ANKS1A: variants seen among roughly 807,000 people sequenced by gnomAD.
ANKS1A encodes ankyrin repeat and SAM domain-containing protein 1A.
Under a neutral mutation model 120.3 loss-of-function variants are expected in ANKS1A, and 55 were observed. The observed-to-expected ratio is 0.46, with a 90% CI of 0.37 to 0.57. The LOEUF (loss-of-function observed/expected upper bound fraction) is 0.57, where lower values mean the gene tolerates loss of function less well. Ranked by LOEUF, ANKS1A falls within the 20% of genes least tolerant of loss-of-function variation. The pLI is 0.00. For synonymous variants in ANKS1A, 590 were observed against 604.7 expected (o/e 0.98, Z 0.36); for missense variants, 1,123 against 1,480.3 (o/e 0.76, Z 3.96).
At chr6:35,006,679 C>T (rs903078069) in intron 10 of ANKS1A, among the ~76,000 whole-genome samples, 4 of 152,112 alleles carry the variant, frequency 2.6e-5, no homozygotes, top group African/African-American at 7.2e-5. Flanking sequence ...GGCATGAACC[C>T]GGGAGGCAGA....
intron 1 of ANKS1A, among the ~76,000 whole-genome samples, chr6:34,900,790 T>G (rs150391445): frequency 1.3e-5 from 2 of 152,046 alleles, no homozygotes; most frequent in African/African-American, 4.8e-5. Context: ...TACCCAAGAA[T>G]GTAACACAAA....
At chr6:34,902,275 G>A (rs1301842059) in intron 1 of ANKS1A, among the ~76,000 whole-genome samples, 3 of 151,560 alleles carry the variant, frequency 2.0e-5, no homozygotes, top group South Asian at 2.1e-4. Flanking sequence ...TTGAGACGGC[G>A]TTTCGCTCTT....
intron 1 of ANKS1A, among the ~76,000 whole-genome samples, chr6:34,902,728 G>A (rs1432034575): frequency 2.6e-5 from 4 of 151,184 alleles, no homozygotes; most frequent in Non-Finnish European, 4.4e-5. Context: ...GCTTGAACCC[G>A]GAAGGCGGAG....
intron 11 of ANKS1A, among the ~76,000 whole-genome samples, chr6:35,038,052 A>G (rs1185746232): frequency 1.3e-5 from 2 of 152,118 alleles, no homozygotes; most frequent in African/African-American, 4.8e-5. Flanking sequence ...GGGAGGGGAA[A>G]AGGAAAGCAG....
At chr6:34,897,447 T>G (rs1767143843) in intron 1 of ANKS1A, among the ~76,000 whole-genome samples, 1 of 152,214 alleles carries the variant, frequency 6.6e-6, no homozygotes, top group South Asian at 2.1e-4. Flanking sequence ...AGTAAATTAC[T>G]GGGTTTTTAG....
chr6:34,985,424 G>A lies in ANKS1A; in HGVS notation c.1209+146G>A, dbSNP rs946186928. On this transcript the variant is annotated intron_variant, in intron 8 of 23. Coordinates refer to ENST00000360359, the MANE Select transcript of ANKS1A (RefSeq NM_015245.3). ...GCCCACTTATTCTCTTCTTCATGGG[G>A]CTCTGCTGGGTCTCTCTTGCTGAGT... is the stretch of plus-strand genomic sequence containing the variant. The A allele has an allele frequency of 6.9e-6, 5 of 721,408 alleles. No homozygotes were observed. In the African/African-American group the frequency reaches 8.9e-5, roughly 13 times the overall value. The allele number at this position is 721,408 out of a possible 1,614,324, so 44.7% of individuals were successfully genotyped here.
intron 11 of ANKS1A, among the ~76,000 whole-genome samples, chr6:35,031,311 G>A (rs902300986): frequency 2.6e-5 from 4 of 152,150 alleles, no homozygotes; most frequent in East Asian, 1.9e-4. Context: ...ACCTAACAGC[G>A]TAATCGCCTG....
In ANKS1A at chr6:35,086,656, G is replaced by T. The variant is rs889365940; in HGVS notation, c.3304-296G>T. Among the ~76,000 whole-genome samples, 1 of 152,268 alleles carries T rather than the reference G, an allele frequency of 6.6e-6. No individual in the cohort carries two copies. The highest frequency in any genetic ancestry group is 1.9e-4 in the East Asian group (1 of 5,170). ...AAGCCCCATATCCCCTTCCTGCCCA[G>T]TGTGAGTGGGTCTGGGGCTTAGAGC... On this transcript the variant is annotated intron_variant, in intron 22 of 23. Transcript: ENST00000360359. This position sits in a 1 kb window ranked among gnomAD's most constrained non-coding sequence, Gnocchi z 5.1.
At chr6:34,963,183 C>T (rs990019593) in intron 1 of ANKS1A, among the ~76,000 whole-genome samples, 68 of 152,176 alleles carry the variant, frequency 4.5e-4, no homozygotes, top group African/African-American at 1.5e-3. Context: ...GATTATAATA[C>T]GTTGTTATTA....
Position 35,089,315 on chromosome 6 carries a change from T to TAA in ANKS1A, c.*707_*708dup, listed in dbSNP as rs1020237130. 110 of 987,708 alleles carry TAA rather than the reference T, an allele frequency of 1.1e-4. No individual in the cohort carries two copies. In the Admixed American group the frequency reaches 4.0e-3, roughly 36 times the overall value. 61.2% of individuals were successfully genotyped at this position (987,708 alleles called of 1,614,324 possible). On this transcript the variant is annotated 3_prime_UTR_variant, in exon 24 of 24. Transcript: ENST00000360359. ...GGAAGGTTCAGTGGCCAAATGAAGATAAGTGTGCAGTTTCTAGTGCTGGGA... is the reference window on the plus strand; with the variant it reads ...GGAAGGTTCAGTGGCCAAATGAAGATAAAAGTGTGCAGTTTCTAGTGCTGGGA...
At chr6:35,054,062 T>C (rs1776089130) in intron 11 of ANKS1A, 37 bp from the exon 12 acceptor site, 1 of 1,592,904 alleles carries the variant, frequency 6.3e-7, no homozygotes, top group South Asian at 1.1e-5. Context: ...ACCCCAAGCC[T>C]GACTGCCTCT....
chr6:35,084,215 A>G lies in ANKS1A; in HGVS notation c.3089A>G (p.Gln1030Arg). 1 of 1,614,230 alleles carries G rather than the reference A, an allele frequency of 6.2e-7. No individual in the cohort carries two copies. The change falls in exon 21 of 24, where the codon CAG (glutamine) becomes CGG (arginine). Residue 1030 changes from glutamine to arginine, a missense_variant. Physicochemically the swap from Gln to Arg is conservative, Grantham distance 43. Around this residue, in one of 3 missense-constraint regions of ANKS1A, gnomAD observed 904 missense variants for 1,130.4 expected, o/e 0.80. Coordinates refer to ENST00000360359, the MANE Select transcript of ANKS1A (RefSeq NM_015245.3). This position sits in a 1 kb window ranked among gnomAD's most constrained non-coding sequence, Gnocchi z 4.8. The stretch of plus-strand genomic sequence containing the variant: ...TTTGCCTACATCACCAAGGACCTGC[A>G]GACCAGCCACCACTATTGCCATGTG... ...CTFAYITKDLQTSHHYCHVFS... is the reference protein window; with the variant it reads ...CTFAYITKDLRTSHHYCHVFS...
At chr6:34,916,859 T>C (rs1768189469) in intron 1 of ANKS1A, among the ~76,000 whole-genome samples, 1 of 152,244 alleles carries the variant, frequency 6.6e-6, no homozygotes. Context: ...TCGTGGTCTG[T>C]CACTCAGCAT....
chr6:34,990,618 A>G (rs1772454101), intron 9 of ANKS1A, among the ~76,000 whole-genome samples: 1 of 152,064 alleles, frequency 6.6e-6, no homozygotes, highest in African/African-American at 2.4e-5. Context: ...ATGCTTGGGC[A>G]AGGCTCTTAA....
At position 34,892,460 on chromosome 6, in the gene ANKS1A, CT is replaced by C. The variant is rs151225790; in HGVS notation, c.197+2862del. On this transcript the variant is annotated intron_variant, in intron 1 of 23. Coordinates refer to ENST00000360359, the MANE Select transcript of ANKS1A (RefSeq NM_015245.3). ...TTGTATTAGCGGCCATATTCTACCCCTATTTGTACTGCCAACTGTAACTTGC... is the reference window on the plus strand; with the variant it reads ...TTGTATTAGCGGCCATATTCTACCCCATTTGTACTGCCAACTGTAACTTGC... Among the ~76,000 whole-genome samples the C allele has an allele frequency of 7.3e-3, 1,114 of 152,334 alleles. 20 individuals carry two copies. Among genetic ancestry groups the C allele is most frequent in the African/African-American group, 0.025 (1,058 of 41,570 alleles).
intron 10 of ANKS1A, among the ~76,000 whole-genome samples, chr6:34,997,017 T>C (rs1358109936): frequency 6.6e-6 from 1 of 152,182 alleles, no homozygotes; most frequent in Non-Finnish European, 1.5e-5. Context: ...TTCCATTGTC[T>C]TTCCCATTTA....
In ANKS1A at chr6:35,050,024, G is replaced by T. The variant is rs1281926815; in HGVS notation, c.2011-4075G>T. On this transcript the variant is annotated intron_variant, in intron 11 of 23. Coordinates refer to ENST00000360359, the MANE Select transcript of ANKS1A (RefSeq NM_015245.3). The surrounding 1 kb of genome is among the most constrained non-coding windows in gnomAD (Gnocchi z 4.3). ...GTGGCTCTGCCGCCTGGTGATGGGG[G>T]ATGGAGACCTCTCCATACAGAGCTC... 6.6e-6 allele frequency among the ~76,000 whole-genome samples: 1 copy of T among 152,154 alleles called. No homozygotes were observed. The highest frequency in any genetic ancestry group is 2.4e-5 in the African/African-American group (1 of 41,426).
chr6:34,958,124 A>T (rs1482484706), intron 1 of ANKS1A, among the ~76,000 whole-genome samples: 2 of 152,190 alleles, frequency 1.3e-5, no homozygotes, highest in African/African-American at 4.8e-5. Flanking sequence ...AGACATCTAC[A>T]TATGGGAGTC....
rs148973898 is a variant in ANKS1A, at chr6:35,082,436, G to C, written c.2710-255G>C. On this transcript the variant is annotated intron_variant, in intron 17 of 23. Transcript: ENST00000360359. This position sits in a 1 kb window ranked among gnomAD's most constrained non-coding sequence, Gnocchi z 4.1. ...TCCCATCTCCTTTGAGACTCATCTCGGACACCACAGAGACTGTCCTTCCCA... is the reference window on the plus strand; with the variant it reads ...TCCCATCTCCTTTGAGACTCATCTCCGACACCACAGAGACTGTCCTTCCCA... Among the ~76,000 whole-genome samples the C allele has an allele frequency of 2.0e-3, 297 of 152,008 alleles. No homozygotes were observed. Among genetic ancestry groups the C allele is most frequent in the African/African-American group, 6.8e-3 (280 of 41,430 alleles).
Sources: gnomAD v4.1 joint callset for allele counts (sites outside exome capture counted in the v4.1 genomes callset) on GRCh38, gnomAD v4.1.1 for gene constraint, gnomAD v4.1.1 regional missense constraint, Gnocchi (gnomAD v3.1) non-coding constraint, MANE v1.5 for transcripts, NCBI Gene and HGNC (gene_info 2026-07-23, HGNC 2026-07-21) for gene names.